Variants in PACS1 observed in about 807,000 individuals in gnomAD.
PACS1 encodes phosphofurin acidic cluster sorting protein 1, also known as PACS-1.
A neutral mutation model predicts 115.0 loss-of-function variants in PACS1; 24 were observed. The ratio of observed to expected loss-of-function variants is 0.21; its 90% CI spans 0.15 to 0.29. The LOEUF is 0.29. PACS1 is among the 10% of genes least tolerant of loss of function. The pLI is 1.00. For synonymous variants in PACS1, 453 were observed against 504.5 expected, an observed-to-expected ratio of 0.90 and a Z score of 1.37; for missense variants, 838 against 1,251.2, an observed-to-expected ratio of 0.67 and a Z score of 4.98.
intron 1 of PACS1, among the ~76,000 whole-genome samples, chr11:66,160,991 ATC>A (rs1859475820): frequency 6.6e-6 from 1 of 152,134 alleles, no homozygotes; most frequent in Non-Finnish European, 1.5e-5. Context: ...ATCTCTGTTC[ATC>A]TCTCTCAGTT....
chr11:66,071,004 G>A (rs1417728519), intron 1 of PACS1, among the ~76,000 whole-genome samples, 162 bp downstream of exon 1: 2 of 152,094 alleles, frequency 1.3e-5, no homozygotes, highest in Non-Finnish European at 2.9e-5. Context: ...CTGCCACGGG[G>A]ACCCGCCCTC....
rs1241832227 is a variant in PACS1 at position 66,160,582 on chromosome 11, A to G, written c.357-32904A>G. Among the ~76,000 whole-genome samples the G allele has an allele frequency of 2.6e-5, 4 of 151,806 alleles. No individual in the cohort carries two copies. The East Asian group carries it at 7.7e-4, about 29-fold the overall frequency. Reference sequence around the variant, plus strand: ...CCCTAACATGACTCACTGTATCCTCAATCTCCTGGGCTCGAGTGATTCTCC... The same window carrying G: ...CCCTAACATGACTCACTGTATCCTCGATCTCCTGGGCTCGAGTGATTCTCC... On this transcript the variant is annotated intron_variant, in intron 1 of 23. Transcript: ENST00000320580.
intron 1 of PACS1, among the ~76,000 whole-genome samples, chr11:66,106,776 G>A (rs562272075): frequency 6.6e-6 from 1 of 151,664 alleles, no homozygotes; most frequent in African/African-American, 2.4e-5. Flanking sequence ...AAAAAAAAAA[G>A]ATAAATCTTG....
chr11:66,108,528 G>C (rs1199477226), intron 1 of PACS1, among the ~76,000 whole-genome samples: 1 of 152,070 alleles, frequency 6.6e-6, no homozygotes, highest in East Asian at 1.9e-4. Flanking sequence ...TTTGAAACCA[G>C]CCTGGGCATC....
At chr11:66,162,195 C>T (rs1456621027) in intron 1 of PACS1, among the ~76,000 whole-genome samples, 1 of 139,636 alleles carries the variant, frequency 7.2e-6, no homozygotes, top group Non-Finnish European at 1.5e-5. Context: ...GATCTCAGCT[C>T]ACCGCAACCT....
rs75508050 is a variant in PACS1 at position 66,108,262 on chromosome 11, G to A, written c.356+37420G>A. Among the ~76,000 whole-genome samples, 970 of 152,238 alleles carry A rather than the reference G, an allele frequency of 6.4e-3. 16 individuals are homozygous for A. The highest frequency in any genetic ancestry group is 0.022 in the African/African-American group (933 of 41,538). On this transcript the variant is annotated intron_variant, in intron 1 of 23. Transcript: ENST00000320580. ...GCACATTCTAGGTGTGTCTTCATGT[G>A]GCCTTTCCTCTGTGCACAGAGAGCA...
At chr11:66,091,525 T>TTTA (rs1857666563) in intron 1 of PACS1, among the ~76,000 whole-genome samples, 1 of 151,590 alleles carries the variant, frequency 6.6e-6, no homozygotes, top group South Asian at 2.1e-4. Flanking sequence ...TTTTTTTTCT[T>TTTA]TTATTATTAT....
chr11:66,148,772 A>G (rs775992552), intron 1 of PACS1, among the ~76,000 whole-genome samples: 2 of 152,106 alleles, frequency 1.3e-5, no homozygotes, highest in African/African-American at 2.4e-5. Context: ...CTAAAAATAC[A>G]AAAATTAGCT....
At chr11:66,187,017 T>A (rs1854396487) in intron 1 of PACS1, among the ~76,000 whole-genome samples, 1 of 152,236 alleles carries the variant, frequency 6.6e-6, no homozygotes, top group Non-Finnish European at 1.5e-5. Flanking sequence ...GTCTGGCTCT[T>A]CCGGCTCAGT....
At chr11:66,112,278 C>T (rs1044553733) in intron 1 of PACS1, among the ~76,000 whole-genome samples, 1 of 152,178 alleles carries the variant, frequency 6.6e-6, no homozygotes, top group African/African-American at 2.4e-5. Context: ...TTACCCTCTT[C>T]GCCTAGTTTG....
intron 21 of PACS1, among the ~76,000 whole-genome samples, chr11:66,240,175 C>T (rs1035747351): frequency 1.3e-5 from 2 of 152,206 alleles, no homozygotes; most frequent in African/African-American, 2.4e-5. Context: ...GGAGCCGGCG[C>T]GGGAGCAAGC....
chr11:66,217,486 G>A, intron 7 of PACS1: 1 of 451,180 alleles, frequency 2.2e-6, no homozygotes, highest in South Asian at 1.6e-5. Flanking sequence ...TTTACCCAGA[G>A]GCATCCTGAT....
chr11:66,182,625 C>T (rs189693209), intron 1 of PACS1, among the ~76,000 whole-genome samples: 14 of 152,078 alleles, frequency 9.2e-5, no homozygotes, highest in African/African-American at 2.4e-4. Context: ...CACATGGGCG[C>T]GTGTGCCACC....
chr11:66,225,780 G>A (rs747180531), intron 10 of PACS1, among the ~76,000 whole-genome samples: 24 of 152,148 alleles, frequency 1.6e-4, no homozygotes, highest in African/African-American at 2.9e-4. Flanking sequence ...TTTAAAACGC[G>A]TTTAATTAAT....
intron 2 of PACS1, among the ~76,000 whole-genome samples, chr11:66,209,632 G>A (rs535976400): frequency 5.0e-4 from 76 of 152,152 alleles, no homozygotes; most frequent in African/African-American, 1.7e-3. Flanking sequence ...TGTTTGGGCC[G>A]GGCTCAGTGA....
rs1216147861 is a variant in PACS1, at chr11:66,244,048, C to T, written c.*768C>T. 1 of 152,368 alleles carries T rather than the reference C, an allele frequency of 6.6e-6. No individual in the cohort carries two copies. The highest frequency in any genetic ancestry group is 1.5e-5 in the Non-Finnish European group (1 of 68,120). The allele number at this position is 152,368 out of a possible 1,614,324, so 9.4% of individuals were successfully genotyped here. ...CTTTGGTTCTTTGCACGCCAAGTCTCTTGGTTGTACCATGTGACACACCCT... is the reference window on the plus strand; with the variant it reads ...CTTTGGTTCTTTGCACGCCAAGTCTTTTGGTTGTACCATGTGACACACCCT... On this transcript the variant is annotated 3_prime_UTR_variant, in exon 24 of 24. Transcript: ENST00000320580.
Position 66,191,995 on chromosome 11 carries a change from C to T in PACS1, c.357-1491C>T, listed in dbSNP as rs537290620. Among the ~76,000 whole-genome samples, 385 of 151,798 alleles carry T rather than the reference C, an allele frequency of 2.5e-3. 3 individuals carry two copies. Among genetic ancestry groups the T allele is most frequent in the Non-Finnish European group, 4.0e-3 (274 of 67,946 alleles). ...CCAAAATCATGCCACTGCACTCCAGCCTGGGAGACAGAGTGAGACTCTGTC... is the reference window on the plus strand; with the variant it reads ...CCAAAATCATGCCACTGCACTCCAGTCTGGGAGACAGAGTGAGACTCTGTC... On this transcript the variant is annotated intron_variant, in intron 1 of 23. Transcript: ENST00000320580.
chr11:66,148,794 C>T (rs955526722), intron 1 of PACS1, among the ~76,000 whole-genome samples: 3 of 152,016 alleles, frequency 2.0e-5, no homozygotes, highest in African/African-American at 7.2e-5. Flanking sequence ...GGCATGTTGG[C>T]GTGCATCTGT....
At chr11:66,220,911 A>G (rs1406763849) in intron 9 of PACS1, 120 bp downstream of exon 9, 3 of 1,167,716 alleles carry the variant, frequency 2.6e-6, no homozygotes, top group Non-Finnish European at 3.6e-6. Context: ...TCCTTTCTGA[A>G]CCTCTGGCTG....
Sources: gnomAD v4.1 joint callset for allele counts (sites outside exome capture counted in the v4.1 genomes callset) on GRCh38, gnomAD v4.1.1 for gene constraint, MANE v1.5 for transcripts, NCBI Gene and HGNC (gene_info 2026-07-23, HGNC 2026-07-21) for gene names.